Variants in KCNJ16 observed in about 807,000 individuals in gnomAD.
KCNJ16 encodes inward rectifier potassium channel 16.
In KCNJ16, 15 loss-of-function variants were observed where a neutral mutation model predicts 18.5. The observed-to-expected ratio is 0.81, with a 90% CI of 0.54 to 1.25. The LOEUF is 1.25. KCNJ16 is among the 50% of genes most tolerant of loss of function. The probability of loss-of-function intolerance (pLI) is 0.00; values close to 1 mark genes in which losing one functional copy is unlikely to be tolerated. For synonymous variants in KCNJ16, 174 were observed against 186.5 expected (o/e 0.93, Z 0.55); for missense variants, 523 against 525.7 (o/e 0.99, Z 0.05).
chr17:70,105,072 T>A (rs2072854591), intron 2 of KCNJ16: 2 of 152,546 alleles, frequency 1.3e-5, no homozygotes, highest in African/African-American at 4.8e-5. Flanking sequence ...CATCTTTCAC[T>A]AAGGTAAGAT....
At chr17:70,116,344 T>C (rs2073404233) in intron 2 of KCNJ16, among the ~76,000 whole-genome samples, 1 of 152,146 alleles carries the variant, frequency 6.6e-6, no homozygotes, top group Non-Finnish European at 1.5e-5. Context: ...ATTTATAAAA[T>C]AGCTAATTCA....
chr17:70,114,622 A>C (rs1014818760), intron 2 of KCNJ16, among the ~76,000 whole-genome samples: 3 of 152,174 alleles, frequency 2.0e-5, no homozygotes, highest in African/African-American at 7.2e-5. Flanking sequence ...GGTAACTAGT[A>C]CAAAATGACT....
chr17:70,133,656 A>G lies in KCNJ16; in HGVS notation c.*312A>G, dbSNP rs867398481. On this transcript the variant is annotated 3_prime_UTR_variant, in exon 4 of 4. Coordinates refer to ENST00000392671, the MANE Select transcript of KCNJ16 (RefSeq NM_170741.4). ...GTATTCAAAAACGGGGAATGAAGGCAGGAAGGAGGCTGGAATAAATAAAAA... is the reference window on the plus strand; with the variant it reads ...GTATTCAAAAACGGGGAATGAAGGCGGGAAGGAGGCTGGAATAAATAAAAA... The G allele has an allele frequency of 4.2e-5, 10 of 237,988 alleles. No homozygotes were observed. Among genetic ancestry groups the G allele is most frequent in the Middle Eastern group, 1.6e-3 (1 of 640 alleles). The allele number at this position is 237,988 out of a possible 1,614,324, so 14.7% of individuals were successfully genotyped here.
At chr17:70,095,513 G>A (rs8069368) in intron 1 of KCNJ16, among the ~76,000 whole-genome samples, 129,116 of 152,120 alleles carry the variant, frequency 0.85, 54,873 homozygotes, top group East Asian at 0.96. Flanking sequence ...TTTGATCAGG[G>A]CAAACGTGAA....
chr17:70,110,482 G>GCACACACACACACACACACA (rs34424075), intron 2 of KCNJ16, among the ~76,000 whole-genome samples: 2 of 149,780 alleles, frequency 1.3e-5, no homozygotes, highest in Non-Finnish European at 3.0e-5. Context: ...CTTCGTGCGC[G>GCACACACACACACACACACA]CACACACACA....
intron 1 of KCNJ16, among the ~76,000 whole-genome samples, chr17:70,098,860 A>C (rs530803060): frequency 6.6e-6 from 1 of 152,298 alleles, no homozygotes; most frequent in South Asian, 2.1e-4. Context: ...TTATGAATTA[A>C]AATATATAAC....
At chr17:70,114,268 T>C (rs1457512398) in intron 2 of KCNJ16, among the ~76,000 whole-genome samples, 2 of 152,078 alleles carry the variant, frequency 1.3e-5, no homozygotes, top group Admixed American at 1.3e-4. Context: ...ATCACATCTG[T>C]GAGTTCAGTG....
At position 70,076,810 on chromosome 17, in the gene KCNJ16, T is replaced by C. The variant is rs2071332524; in HGVS notation, c.-300+1420T>C. ...AAAGTATAGTTTGAGGCAAAATATA[T>C]AAAGGGCATTGAAAGTAAATATTTG... On this transcript the variant is annotated intron_variant, in intron 1 of 3. Transcript: ENST00000392671. 2.0e-5 allele frequency among the ~76,000 whole-genome samples: 3 copies of C among 152,122 alleles called. No individual in the cohort carries two copies. The South Asian group carries it at 6.2e-4, about 32-fold the overall frequency.
chr17:70,088,553 T>C (rs2071943210), intron 1 of KCNJ16, among the ~76,000 whole-genome samples: 1 of 152,172 alleles, frequency 6.6e-6, no homozygotes, highest in Admixed American at 6.5e-5. Flanking sequence ...AACAGGCACT[T>C]TAGAAATGGT....
In KCNJ16 at chr17:70,093,361, G is replaced by A. The variant is rs186762927; in HGVS notation, c.-299-7297G>A. The stretch of plus-strand genomic sequence containing the variant: ...CCCTTTCCACTTTTAGCTTCTGCTA[G>A]CCCCGGGCTTTCCTTCCTTGTAGCA... On this transcript the variant is annotated intron_variant, in intron 1 of 3. Coordinates refer to ENST00000392671, the MANE Select transcript of KCNJ16 (RefSeq NM_170741.4). 4.6e-5 allele frequency among the ~76,000 whole-genome samples: 7 copies of A among 152,266 alleles called. No individual in the cohort carries two copies. The East Asian group carries it at 1.4e-3, about 29-fold the overall frequency.
At chr17:70,095,546 A>G (rs551262137) in intron 1 of KCNJ16, among the ~76,000 whole-genome samples, 1 of 152,304 alleles carries the variant, frequency 6.6e-6, no homozygotes, top group Admixed American at 6.5e-5. Context: ...TTTCTACTAT[A>G]AAGATTTTCC....
chr17:70,089,823 T>C (rs1259023622), intron 1 of KCNJ16, among the ~76,000 whole-genome samples: 2 of 152,248 alleles, frequency 1.3e-5, no homozygotes, highest in Non-Finnish European at 2.9e-5. Flanking sequence ...ACTAACTCTG[T>C]TTAGAATCTC....
At chr17:70,112,825 C>T (rs995547253) in intron 2 of KCNJ16, among the ~76,000 whole-genome samples, 3 of 152,122 alleles carry the variant, frequency 2.0e-5, no homozygotes, top group African/African-American at 7.2e-5. Flanking sequence ...GGAAATCTTT[C>T]TCCATGTAGC....
chr17:70,098,787 T>C lies in KCNJ16; in HGVS notation c.-299-1871T>C, dbSNP rs143119127. Among the ~76,000 whole-genome samples, 13 of 152,256 alleles carry C rather than the reference T, an allele frequency of 8.5e-5. No homozygotes were observed. In the East Asian group the frequency reaches 2.5e-3, roughly 29 times the overall value. On this transcript the variant is annotated intron_variant, in intron 1 of 3. Coordinates refer to ENST00000392671, the MANE Select transcript of KCNJ16 (RefSeq NM_170741.4). ...TTGAATTTTGAGTGGAATGGAACCTTTGAAGTAGAATTTTGAACAGAATCT... is the reference window on the plus strand; with the variant it reads ...TTGAATTTTGAGTGGAATGGAACCTCTGAAGTAGAATTTTGAACAGAATCT...
At chr17:70,109,673 G>A (rs551347297) in intron 2 of KCNJ16, among the ~76,000 whole-genome samples, 56 of 152,186 alleles carry the variant, frequency 3.7e-4, no homozygotes, top group Admixed American at 1.4e-3. Flanking sequence ...AGTCATAGCT[G>A]GATGCGTCCC....
At chr17:70,124,933 A>G (rs2073800363) in intron 2 of KCNJ16, among the ~76,000 whole-genome samples, 1 of 140,938 alleles carries the variant, frequency 7.1e-6, no homozygotes, top group Non-Finnish European at 1.5e-5. Context: ...TGTTGACAAC[A>G]AGGAGCAGGG....
At chr17:70,101,318 A>C (rs2072608149) in intron 2 of KCNJ16, 1 of 152,230 alleles carries the variant, frequency 6.6e-6, no homozygotes, top group Non-Finnish European at 1.5e-5. Context: ...ACCCAGATCT[A>C]GGATATTCTG....
rs770251035 is a variant in KCNJ16, at chr17:70,133,193, C to T, written c.1106C>T (p.Ala369Val). The change falls in exon 4 of 4, where the codon GCG becomes GTG. Residue 369 changes from alanine (A) to valine (V), a missense_variant. Transcript: ENST00000392671. ...GAATCCTGCACGTCGGACACCAAGG[C>T]GAGACGAAGGTCATTTAGTGCAGTT... ...VRESCTSDTK[A>V]RRRSFSAVAI... 98 of 1,614,040 alleles carry T rather than the reference C, an allele frequency of 6.1e-5. No individual in the cohort carries two copies. Among genetic ancestry groups the T allele is most frequent in the South Asian group, 4.1e-4 (37 of 91,092 alleles).
intron 2 of KCNJ16, among the ~76,000 whole-genome samples, chr17:70,114,525 T>C (rs1313784059): frequency 1.3e-5 from 2 of 152,262 alleles, no homozygotes; most frequent in South Asian, 2.1e-4. Context: ...CAAAACTACA[T>C]GGGAGCTACT....
Sources: gnomAD v4.1 joint callset for allele counts (sites outside exome capture counted in the v4.1 genomes callset) on GRCh38, gnomAD v4.1.1 for gene constraint, MANE v1.5 for transcripts, NCBI Gene and HGNC (gene_info 2026-07-23, HGNC 2026-07-21) for gene names.